The following AUTS2 variants were observed in gnomAD, a reference collection of about 807,000 sequenced individuals.
AUTS2 encodes autism susceptibility gene 2 protein.
Under a neutral mutation model 112.4 loss-of-function variants are expected in AUTS2, and 17 were observed. The observed-to-expected ratio is 0.15, with a 90% CI of 0.10 to 0.23. The LOEUF is 0.23. AUTS2 is among the 10% of genes least tolerant of loss of function. The probability of loss-of-function intolerance (pLI) is 1.00; values close to 1 mark genes in which losing one functional copy is unlikely to be tolerated. For synonymous variants in AUTS2, 751 were observed against 702.7 expected, an observed-to-expected ratio of 1.07 and a Z score of -1.09; for missense variants, 1,510 against 1,701.6, an observed-to-expected ratio of 0.89 and a Z score of 1.98.
chr7:69,665,189 A>G (rs2129147518), intron 1 of AUTS2, among the ~76,000 whole-genome samples: 1 of 152,256 alleles, frequency 6.6e-6, no homozygotes, highest in African/African-American at 2.4e-5. Context: ...TCACTTTGTT[A>G]AAAGATGGGG....
At chr7:70,724,113 A>C (rs1018302519) in intron 6 of AUTS2, among the ~76,000 whole-genome samples, 10 of 152,160 alleles carry the variant, frequency 6.6e-5, no homozygotes, top group African/African-American at 2.4e-4. Flanking sequence ...GCTGGTCTCA[A>C]ACTCCTAGCC....
intron 1 of AUTS2, among the ~76,000 whole-genome samples, chr7:69,840,920 G>A (rs1037996355): frequency 1.3e-5 from 2 of 152,158 alleles, no homozygotes; most frequent in African/African-American, 4.8e-5. Flanking sequence ...GGCAAGTGCC[G>A]TCAATGCAAA....
chr7:70,298,633 T>C (rs1405676098), intron 4 of AUTS2, among the ~76,000 whole-genome samples: 2 of 152,236 alleles, frequency 1.3e-5, no homozygotes, highest in Non-Finnish European at 2.9e-5. Flanking sequence ...ATATTAACCA[T>C]GTCTGGCTGA....
chr7:70,118,290 A>T (rs948495097), intron 3 of AUTS2, 57 bp downstream of exon 3: 1 of 1,476,416 alleles, frequency 6.8e-7, no homozygotes, highest in African/African-American at 1.4e-5. Context: ...ACTAGGCCAC[A>T]CACACACCAT....
At chr7:69,885,091 T>C (rs573641502) in intron 1 of AUTS2, among the ~76,000 whole-genome samples, 1 of 152,366 alleles carries the variant, frequency 6.6e-6, no homozygotes, top group African/African-American at 2.4e-5. Context: ...GAACAAGCTC[T>C]AAGACTTGGA....
intron 2 of AUTS2, among the ~76,000 whole-genome samples, chr7:70,001,829 G>A (rs944748128): frequency 6.0e-5 from 9 of 150,914 alleles, no homozygotes; most frequent in Admixed American, 4.6e-4. Flanking sequence ...TCCTGCCTCA[G>A]CCTCCTGAGT....
chr7:70,240,908 C>A (rs184009418), intron 4 of AUTS2, among the ~76,000 whole-genome samples: 196 of 152,252 alleles, frequency 1.3e-3, no homozygotes, highest in Non-Finnish European at 2.2e-3. Flanking sequence ...AAAGCAACTC[C>A]AGGACTGTAT....
intron 1 of AUTS2, among the ~76,000 whole-genome samples, chr7:69,642,849 A>G (rs1035938902): frequency 6.6e-6 from 1 of 152,184 alleles, no homozygotes; most frequent in African/African-American, 2.4e-5. Flanking sequence ...TTGGTTATCA[A>G]TTGATATATA....
At chr7:70,383,777 A>G (rs2129633095) in intron 4 of AUTS2, among the ~76,000 whole-genome samples, 1 of 152,340 alleles carries the variant, frequency 6.6e-6, no homozygotes, top group African/African-American at 2.4e-5. Context: ...AGCGCAATGA[A>G]ACAGACTGCA....
At chr7:70,739,366 G>T in intron 6 of AUTS2, among the ~76,000 whole-genome samples, 1 of 138,148 alleles carries the variant, frequency 7.2e-6, no homozygotes, top group Non-Finnish European at 1.5e-5. Context: ...TTTTTGTAGA[G>T]ATGAGATCAT....
chr7:69,790,131 TA>T (rs559358444), intron 1 of AUTS2, among the ~76,000 whole-genome samples: 92 of 144,108 alleles, frequency 6.4e-4, no homozygotes, highest in Admixed American at 1.0e-3. Context: ...AAATAAAAAA[TA>T]AAAAAAAAAA....
intron 5 of AUTS2, among the ~76,000 whole-genome samples, chr7:70,622,115 G>T (rs965233317): frequency 2.0e-5 from 3 of 152,020 alleles, no homozygotes; most frequent in Non-Finnish European, 4.4e-5. Flanking sequence ...TGGGATTACA[G>T]GTGTGAGCCA....
chr7:70,057,664 C>G (rs1802054539), intron 2 of AUTS2, among the ~76,000 whole-genome samples: 1 of 152,182 alleles, frequency 6.6e-6, no homozygotes, highest in Non-Finnish European at 1.5e-5. Flanking sequence ...TTTTCTGTAT[C>G]TCTTATCAAA....
rs114274584 is a variant in AUTS2 at position 69,700,160 on chromosome 7, C to A, written c.309+100198C>A. Reference sequence around the variant, plus strand: ...GTTAAACTTTTGAATTTTTGCCAATCTGATAGGAGAAAATTGGTATCTCAA... The same window carrying A: ...GTTAAACTTTTGAATTTTTGCCAATATGATAGGAGAAAATTGGTATCTCAA... On this transcript the variant is annotated intron_variant, in intron 1 of 18. Transcript: ENST00000342771. 1.9e-3 allele frequency among the ~76,000 whole-genome samples: 294 copies of A among 152,240 alleles called. 1 individual carries two copies. The highest frequency in any genetic ancestry group is 6.8e-3 in the African/African-American group (282 of 41,528).
intron 6 of AUTS2, among the ~76,000 whole-genome samples, chr7:70,702,542 T>C (rs1350824663): frequency 6.6e-6 from 1 of 152,236 alleles, no homozygotes; most frequent in Admixed American, 6.5e-5. Flanking sequence ...AAAAGCCTCC[T>C]GAGTGAGCCA....
intron 4 of AUTS2, among the ~76,000 whole-genome samples, chr7:70,394,582 C>T (rs558332960): frequency 2.1e-4 from 32 of 152,140 alleles, no homozygotes; most frequent in African/African-American, 6.0e-4. Context: ...AGGGATAAGA[C>T]GCATTGCTAC....
At chr7:69,791,268 C>T (rs992446752) in intron 1 of AUTS2, among the ~76,000 whole-genome samples, 13 of 152,162 alleles carry the variant, frequency 8.5e-5, no homozygotes, top group African/African-American at 2.7e-4. Context: ...GTGCACTTGG[C>T]GAGTGACCTC....
chr7:70,450,057 T>A (rs1056321670), intron 5 of AUTS2, among the ~76,000 whole-genome samples: 2 of 152,184 alleles, frequency 1.3e-5, no homozygotes, highest in African/African-American at 4.8e-5. Context: ...GCAGTACTAC[T>A]TAAACTTCAG....
At chr7:70,257,198 T>C (rs1786921718) in intron 4 of AUTS2, among the ~76,000 whole-genome samples, 1 of 152,086 alleles carries the variant, frequency 6.6e-6, no homozygotes. Context: ...TGGAGATCAG[T>C]GGCATAATCA....
Sources: gnomAD v4.1 joint callset for allele counts (sites outside exome capture counted in the v4.1 genomes callset) on GRCh38, gnomAD v4.1.1 for gene constraint, MANE v1.5 for transcripts, NCBI Gene and HGNC (gene_info 2026-07-23, HGNC 2026-07-21) for gene names.